GPD1L: variants seen among roughly 807,000 people sequenced by gnomAD.
GPD1L encodes the protein glycerol-3-phosphate dehydrogenase 1 like.
A neutral mutation model predicts 32.9 loss-of-function variants in GPD1L; 17 were observed. That is an observed-to-expected ratio of 0.52 (90% confidence interval 0.35 to 0.78). The LOEUF (loss-of-function observed/expected upper bound fraction) is 0.78. Among genes scored for constraint, GPD1L ranks in the 30% least tolerant of loss-of-function variants. GPD1L has a pLI of 0.01. For synonymous variants in GPD1L, 187 were observed against 165.9 expected (o/e 1.13, Z -0.98); for missense variants, 361 against 447.8 (o/e 0.81, Z 1.75).
chr3:32,145,336 T>C (rs1700804492), intron 4 of GPD1L, among the ~76,000 whole-genome samples: 1 of 152,028 alleles, frequency 6.6e-6, no homozygotes, highest in Non-Finnish European at 1.5e-5. Context: ...TAAATAAAGT[T>C]ACTACCTATT....
At chr3:32,143,675 T>C (rs1700780137) in intron 4 of GPD1L, among the ~76,000 whole-genome samples, 1 of 152,034 alleles carries the variant, frequency 6.6e-6, no homozygotes, top group South Asian at 2.1e-4. Context: ...AGATCCCATC[T>C]CTACAAAAAA....
intron 1 of GPD1L, among the ~76,000 whole-genome samples, chr3:32,112,670 A>C (rs1234279560): frequency 1.3e-5 from 2 of 152,096 alleles, no homozygotes; most frequent in Non-Finnish European, 2.9e-5. Context: ...AATGACTACT[A>C]TTCTAGGAAT....
chr3:32,145,583 G>T (rs185832362), intron 4 of GPD1L, among the ~76,000 whole-genome samples: 4 of 152,068 alleles, frequency 2.6e-5, no homozygotes, highest in East Asian at 1.9e-4. Flanking sequence ...TGACTTGAGG[G>T]AGGGGCTGGT....
intron 2 of GPD1L, among the ~76,000 whole-genome samples, chr3:32,136,169 G>A (rs77140708): frequency 0.029 from 4,479 of 152,208 alleles, 306 homozygotes; most frequent in East Asian, 0.25. Context: ...TTTGCCATCC[G>A]CAAAGTTGGC....
chr3:32,129,688 C>T (rs1300695460), intron 2 of GPD1L, among the ~76,000 whole-genome samples: 3 of 152,108 alleles, frequency 2.0e-5, no homozygotes, highest in African/African-American at 4.8e-5. Flanking sequence ...CCAGCATTTC[C>T]CTACAGTTAT....
At chr3:32,123,839 T>TAGACAGACAGAC (rs139824495) in intron 1 of GPD1L, among the ~76,000 whole-genome samples, 3 of 134,488 alleles carry the variant, frequency 2.2e-5, no homozygotes, top group South Asian at 2.4e-4. Context: ...GATAGATAGA[T>TAGACAGACAGAC]AGACAGACAG....
At chr3:32,156,017 C>T (rs1700983509) in intron 5 of GPD1L, among the ~76,000 whole-genome samples, 1 of 152,144 alleles carries the variant, frequency 6.6e-6, no homozygotes, top group East Asian at 1.9e-4. Context: ...TGCTCTTAGC[C>T]TCTGCATAGC....
At chr3:32,146,325 A>T (rs1223109067) in intron 4 of GPD1L, among the ~76,000 whole-genome samples, 3 of 151,930 alleles carry the variant, frequency 2.0e-5, no homozygotes, top group Admixed American at 6.6e-5. Context: ...TGACCTCGTG[A>T]TCTGCCCGCC....
chr3:32,158,416 T>A (rs1204767382), intron 5 of GPD1L: 2 of 210,674 alleles, frequency 9.5e-6, no homozygotes, highest in Non-Finnish European at 2.0e-5. Context: ...CCTGAAGCAC[T>A]GGCTGTGCTT....
In GPD1L at chr3:32,142,123, TC is replaced by T. The variant is rs1412520768; in HGVS notation, c.505+1758del. 4.9e-3 allele frequency among the ~76,000 whole-genome samples: 531 copies of T among 109,398 alleles called. 3 individuals carry two copies. Among genetic ancestry groups the T allele is most frequent in the African/African-American group, 0.027 (499 of 18,428 alleles). The allele number at this position is 109,398 out of a possible 152,430, so 71.8% of individuals were successfully genotyped here. ...ATCCATGCTGCAAAGGACATGATTTTCTTTTTTTTTTTTTGAGATGGAGTCT... is the reference window on the plus strand; with the variant it reads ...ATCCATGCTGCAAAGGACATGATTTTTTTTTTTTTTTTTGAGATGGAGTCT... On this transcript the variant is annotated intron_variant, in intron 4 of 7. Transcript: ENST00000282541.
chr3:32,160,701 T>A (rs1387056980), intron 7 of GPD1L, among the ~76,000 whole-genome samples: 1 of 152,110 alleles, frequency 6.6e-6, no homozygotes, highest in Non-Finnish European at 1.5e-5. Flanking sequence ...CCAGGCCAGT[T>A]GTGTGTTAAA....
At chr3:32,148,910 A>G (rs1333681884) in intron 5 of GPD1L, among the ~76,000 whole-genome samples, 1 of 152,236 alleles carries the variant, frequency 6.6e-6, no homozygotes, top group Admixed American at 6.5e-5. Flanking sequence ...GGAAGTAAAA[A>G]TCAAATCACT....
intron 7 of GPD1L, among the ~76,000 whole-genome samples, chr3:32,162,840 T>A (rs1354362396): frequency 6.6e-6 from 1 of 150,994 alleles, no homozygotes; most frequent in Non-Finnish European, 1.5e-5. Context: ...AGCACTGCAA[T>A]CTCCGCCTCC....
Position 32,167,299 on chromosome 3 carries a change from G to A in GPD1L, c.*1389G>A, listed in dbSNP as rs779946385. 2 of 152,232 alleles carry A rather than the reference G, an allele frequency of 1.3e-5. No individual in the cohort carries two copies. The highest frequency in any genetic ancestry group is 4.1e-4 in the South Asian group (2 of 4,836). 9.4% of individuals were successfully genotyped at this position (152,232 alleles called of 1,614,324 possible). A position where few individuals can be genotyped will look rare whatever the true frequency, so the allele number is the denominator to read the frequency against. ...GGAACCCATTTTTCTAGCCTAGCAA[G>A]TCCCAAACACATTACACTGAAGAGA... On this transcript the variant is annotated 3_prime_UTR_variant, in exon 8 of 8. Coordinates refer to ENST00000282541, the MANE Select transcript of GPD1L (RefSeq NM_015141.4).
At chr3:32,155,779 A>T (rs1321929220) in intron 5 of GPD1L, among the ~76,000 whole-genome samples, 1 of 152,204 alleles carries the variant, frequency 6.6e-6, no homozygotes, top group Non-Finnish European at 1.5e-5. Context: ...TGTCAATACT[A>T]GAAGGGCCTT....
intron 5 of GPD1L, among the ~76,000 whole-genome samples, chr3:32,148,224 T>C (rs968156572): frequency 2.0e-5 from 3 of 152,226 alleles, no homozygotes; most frequent in Non-Finnish European, 4.4e-5. Flanking sequence ...ATGGAGAAGC[T>C]GTGAAACCCT....
At position 32,106,961 on chromosome 3, in the gene GPD1L, C is replaced by A; in HGVS notation, c.47+203C>A. ...ACTCGCTCGGGAGGCGCTGGGCTCG[C>A]GTGCGTGCGGGGGACAGCGCGGAGA... On this transcript the variant is annotated intron_variant, in intron 1 of 7. Coordinates refer to ENST00000282541, the MANE Select transcript of GPD1L (RefSeq NM_015141.4). This position sits in a 1 kb window ranked among gnomAD's most constrained non-coding sequence, Gnocchi z 4.0. 2.3e-6 allele frequency: 1 copy of A among 436,164 alleles called. No homozygotes were observed. Among genetic ancestry groups the A allele is most frequent in the Non-Finnish European group, 3.8e-6 (1 of 260,470 alleles). The allele number at this position is 436,164 out of a possible 1,614,324, so 27.0% of individuals were successfully genotyped here.
chr3:32,129,339 C>T (rs1262989237), intron 2 of GPD1L, among the ~76,000 whole-genome samples: 1 of 152,172 alleles, frequency 6.6e-6, no homozygotes, highest in African/African-American at 2.4e-5. Flanking sequence ...TTGCTTTCCT[C>T]AAGGAACTGA....
Position 32,167,854 on chromosome 3 carries a change from A to G in GPD1L, c.*1944A>G, listed in dbSNP as rs1575125761. 1 of 152,214 alleles carries G rather than the reference A, an allele frequency of 6.6e-6. No individual in the cohort carries two copies. The highest frequency in any genetic ancestry group is 1.5e-5 in the Non-Finnish European group (1 of 68,048). The allele number at this position is 152,214 out of a possible 1,614,324, so 9.4% of individuals were successfully genotyped here. A position where few individuals can be genotyped will look rare whatever the true frequency, so the allele number is the denominator to read the frequency against. On this transcript the variant is annotated 3_prime_UTR_variant, in exon 8 of 8. Coordinates refer to ENST00000282541, the MANE Select transcript of GPD1L (RefSeq NM_015141.4). ...TGGAGCATTTTAAAGCCCCATACAC[A>G]GAAGTATACGAAAGCACACAAAACA... is the stretch of plus-strand genomic sequence containing the variant.
Sources: allele counts gnomAD v4.1 joint callset (sites outside exome capture counted in the v4.1 genomes callset), GRCh38; gene constraint gnomAD v4.1.1; non-coding constraint Gnocchi (gnomAD v3.1); transcripts MANE v1.5; gene names NCBI Gene and HGNC (gene_info 2026-07-23, HGNC 2026-07-21).